KCNAB2: variants seen among roughly 807,000 people sequenced by gnomAD.
KCNAB2 encodes voltage-gated potassium channel subunit beta-2.
In KCNAB2, 29 loss-of-function variants were observed where a neutral mutation model predicts 63.6. That is an observed-to-expected ratio of 0.46 (90% CI 0.34 to 0.62). KCNAB2 has a LOEUF of 0.62. KCNAB2 is among the 20% of genes least tolerant of loss of function. The probability of loss-of-function intolerance (pLI) is 0.01; values close to 1 mark genes in which losing one functional copy is unlikely to be tolerated. For missense variants in KCNAB2, 359 were observed against 563.9 expected, an observed-to-expected ratio of 0.64 and a Z score of 3.68; for synonymous variants, 222 against 224.2, an observed-to-expected ratio of 0.99 and a Z score of 0.09.
intron 1 of KCNAB2, among the ~76,000 whole-genome samples, chr1:6,006,735 AT>A (rs1184776824): frequency 1.4e-3 from 156 of 115,416 alleles, no homozygotes; most frequent in African/African-American, 5.4e-3. Context: ...CAGCTCCCAC[AT>A]TCCCCTACTC....
chr1:6,090,902 A>G (rs1665134510), intron 9 of KCNAB2, among the ~76,000 whole-genome samples: 1 of 152,132 alleles, frequency 6.6e-6, no homozygotes, highest in African/African-American at 2.4e-5. Context: ...ATAAATTACT[A>G]CATAGAGGAG....
chr1:6,016,894 C>T (rs929440796), intron 1 of KCNAB2, among the ~76,000 whole-genome samples: 1 of 152,098 alleles, frequency 6.6e-6, no homozygotes, highest in East Asian at 1.9e-4. Context: ...TTCTGGGTAC[C>T]GGTTATGAAA....
chr1:6,099,539 G>A lies in KCNAB2; in HGVS notation c.*965G>A, dbSNP rs1220483867. 9 of 422,762 alleles carry A rather than the reference G, an allele frequency of 2.1e-5. No homozygotes were observed. The highest frequency in any genetic ancestry group is 4.1e-5 in the Admixed American group (1 of 24,626). The allele number at this position is 422,762 out of a possible 1,614,324, so 26.2% of individuals were successfully genotyped here. A position where few individuals can be genotyped will look rare whatever the true frequency, so the allele number is the denominator to read the frequency against. On this transcript the variant is annotated 3_prime_UTR_variant, in exon 16 of 16. Transcript: ENST00000378083. ...GCAAGTGGCAGCAGGGGCCGGCCCT[G>A]TGCACAAGGATGCACTCCTCTCGGC...
chr1:6,043,773 A>G (rs904864664), upstream of KCNAB2, among the ~76,000 whole-genome samples: 1 of 152,202 alleles, frequency 6.6e-6, no homozygotes, highest in Non-Finnish European at 1.5e-5. Flanking sequence ...GCCCCCATGC[A>G]GCTCCCAGGC....
In KCNAB2 at chr1:6,100,179, A is replaced by T. The variant is rs1372732618; in HGVS notation, c.*1605A>T. Reference sequence around the variant, plus strand: ...TCCTGGCCGGGCCAAGGCCTGGGAAACTGTGAAAGTCAGAAAGGCCAGCGG... The same window carrying T: ...TCCTGGCCGGGCCAAGGCCTGGGAATCTGTGAAAGTCAGAAAGGCCAGCGG... On this transcript the variant is annotated 3_prime_UTR_variant, in exon 16 of 16. Transcript: ENST00000378083. The T allele has an allele frequency of 4.8e-6, 6 of 1,237,908 alleles. No homozygotes were observed. The highest frequency in any genetic ancestry group is 5.3e-6 in the Non-Finnish European group (5 of 944,240). 76.7% of individuals were successfully genotyped at this position (1,237,908 alleles called of 1,614,324 possible).
At chr1:6,085,166 G>C in intron 5 of KCNAB2, 38 bp from the exon 6 acceptor site, 1 of 1,612,434 alleles carries the variant, frequency 6.2e-7, no homozygotes. Flanking sequence ...TGATTTTTCT[G>C]TTTGGCTGTG....
At position 6,071,939 on chromosome 1, in the gene KCNAB2, T is replaced by C. The variant is rs2100653339; in HGVS notation, c.219-816T>C. ...CGGGAGGATCCGGGGACAGGATGCC[T>C]GGGGACTGCCTGGCCTGCTGCAACC... On this transcript the variant is annotated intron_variant, in intron 2 of 15. Transcript: ENST00000378083. The surrounding 1 kb of genome is among the most constrained non-coding windows in gnomAD (Gnocchi z 8.5). Among the ~76,000 whole-genome samples the C allele has an allele frequency of 6.6e-6, 1 of 152,236 alleles. No individual in the cohort carries two copies. The highest frequency in any genetic ancestry group is 2.1e-4 in the South Asian group (1 of 4,824).
chr1:6,090,573 C>A, intron 9 of KCNAB2, 98 bp downstream of exon 9: 1 of 924,502 alleles, frequency 1.1e-6, no homozygotes, highest in South Asian at 1.5e-5. Context: ...CCCTGCTGGG[C>A]ACCCGGGTGA....
intron 8 of KCNAB2, among the ~76,000 whole-genome samples, chr1:6,089,438 C>T (rs1414205165): frequency 6.6e-6 from 1 of 152,266 alleles, no homozygotes; most frequent in African/African-American, 2.4e-5. Context: ...AGGTGCCACA[C>T]AGCCCGGGGC....
At chr1:6,050,977 G>C (rs1003133417) in intron 1 of KCNAB2, among the ~76,000 whole-genome samples, 2 of 152,252 alleles carry the variant, frequency 1.3e-5, no homozygotes, top group African/African-American at 4.8e-5. Flanking sequence ...GGGCCACCTG[G>C]CATGCGGGGG....
chr1:6,042,426 C>T (rs138962850), upstream of KCNAB2, among the ~76,000 whole-genome samples: 7 of 152,288 alleles, frequency 4.6e-5, no homozygotes, highest in South Asian at 4.2e-4. Flanking sequence ...GGGCACCTGG[C>T]GAGAGACTGT....
intron 1 of KCNAB2, among the ~76,000 whole-genome samples, chr1:6,005,626 G>A (rs1408639337): frequency 6.6e-6 from 1 of 151,954 alleles, no homozygotes; most frequent in Non-Finnish European, 1.5e-5. Context: ...TAGTTGGAAG[G>A]CAGCACACCC....
At chr1:5,993,335 C>T (rs1656673147) in intron 1 of KCNAB2, among the ~76,000 whole-genome samples, 1 of 151,922 alleles carries the variant, frequency 6.6e-6, no homozygotes, top group African/African-American at 2.4e-5. Flanking sequence ...CCGACCTCTC[C>T]CCGCGGGCAC....
At chr1:6,032,801 A>C (rs1345054954), upstream of KCNAB2, among the ~76,000 whole-genome samples, 2 of 152,202 alleles carry the variant, frequency 1.3e-5, no homozygotes, top group African/African-American at 2.4e-5. Context: ...GGTTCAGCTA[A>C]ATTGAATCCT....
intron 2 of KCNAB2, among the ~76,000 whole-genome samples, chr1:6,059,807 G>C (rs72862309): frequency 6.6e-6 from 1 of 152,210 alleles, no homozygotes; most frequent in African/African-American, 2.4e-5. Context: ...TGAGGTCCTG[G>C]TGAGCAAGAG....
intron 1 of KCNAB2, among the ~76,000 whole-genome samples, chr1:5,993,320 C>T (rs1458743318): frequency 6.6e-6 from 1 of 151,820 alleles, no homozygotes; most frequent in African/African-American, 2.4e-5. Flanking sequence ...CTGCCCCCAG[C>T]CCCTCCGACC....
Position 6,082,078 on chromosome 1 carries a change from G to C in KCNAB2, c.301-117G>C, listed in dbSNP as rs74049396. 2,164 of 792,496 alleles carry C rather than the reference G, an allele frequency of 2.7e-3. 26 individuals are homozygous for C. The African/African-American group carries it at 0.03, about 11-fold the overall frequency. The allele number at this position is 792,496 out of a possible 1,614,324, so 49.1% of individuals were successfully genotyped here. On this transcript the variant is annotated intron_variant, in intron 4 of 15. Coordinates refer to ENST00000378083, the MANE Select transcript of KCNAB2 (RefSeq NM_001199862.2). ...GAGACAGCCCACAGGGGAGCCTGTCGGGCCCGGGAGGGCAGGGCCTGGACA... is the reference window on the plus strand; with the variant it reads ...GAGACAGCCCACAGGGGAGCCTGTCCGGCCCGGGAGGGCAGGGCCTGGACA...
intron 1 of KCNAB2, among the ~76,000 whole-genome samples, chr1:6,017,180 G>T (rs1444420131): frequency 1.3e-5 from 2 of 152,180 alleles, no homozygotes; most frequent in Admixed American, 6.5e-5. Context: ...GTAGAGCAGA[G>T]GTGTAGATTC....
chr1:6,097,371 G>T lies in KCNAB2; in HGVS notation c.1158+14G>T. 6.4e-7 allele frequency: 1 copy of T among 1,550,858 alleles called. No individual in the cohort carries two copies. On this transcript the variant is annotated intron_variant, in intron 15 of 15. Transcript: ENST00000378083. ...GGGGCAATACAGGTAAGAGTGAGAG[G>T]CCCTGCTGGGCAGAGGGCCCATCCC... is the stretch of plus-strand genomic sequence containing the variant.
Sources: gnomAD v4.1 joint callset for allele counts (sites outside exome capture counted in the v4.1 genomes callset) on GRCh38, gnomAD v4.1.1 for gene constraint, Gnocchi (gnomAD v3.1) non-coding constraint, MANE v1.5 for transcripts, NCBI Gene and HGNC (gene_info 2026-07-23, HGNC 2026-07-21) for gene names.